ADAM22: variants seen among roughly 807,000 people sequenced by gnomAD.
ADAM22 encodes the protein disintegrin and metalloproteinase domain-containing protein 22.
ADAM22 carries 65 observed loss-of-function variants against 144.6 expected under a neutral mutation model. The observed-to-expected ratio is 0.45, with a 90% CI of 0.37 to 0.55. The LOEUF is 0.55. ADAM22 is among the 20% of genes least tolerant of loss of function. ADAM22 has a pLI of 0.00. For synonymous variants in ADAM22, 391 were observed against 412.6 expected, an observed-to-expected ratio of 0.95 and a Z score of 0.63; for missense variants, 974 against 1,184.9, an observed-to-expected ratio of 0.82 and a Z score of 2.61.
chr7:88,193,904 C>G (rs1475517249), intron 31 of ADAM22, among the ~76,000 whole-genome samples: 2 of 152,164 alleles, frequency 1.3e-5, no homozygotes, highest in African/African-American at 4.8e-5. Flanking sequence ...AACTCAGAGT[C>G]AGTAAGAAGG....
chr7:88,010,632 C>G (rs992475002), intron 3 of ADAM22, among the ~76,000 whole-genome samples: 1 of 152,176 alleles, frequency 6.6e-6, no homozygotes, highest in African/African-American at 2.4e-5. Flanking sequence ...CTTGGAATGA[C>G]TCTGGCCAGC....
chr7:88,017,733 G>A (rs552782997), intron 3 of ADAM22, among the ~76,000 whole-genome samples: 3 of 151,270 alleles, frequency 2.0e-5, no homozygotes, highest in Non-Finnish European at 4.4e-5. Flanking sequence ...TTAATTTCTA[G>A]CTTTTCCTTT....
chr7:88,017,380 C>T (rs201082725), intron 3 of ADAM22, among the ~76,000 whole-genome samples: 1 of 152,144 alleles, frequency 6.6e-6, no homozygotes, highest in South Asian at 2.1e-4. Context: ...CACTGCATCC[C>T]ATAAATATGT....
chr7:87,954,788 C>T (rs953432457), intron 2 of ADAM22, among the ~76,000 whole-genome samples: 9 of 151,946 alleles, frequency 5.9e-5, no homozygotes, highest in Non-Finnish European at 1.0e-4. Flanking sequence ...ACCAATCAGA[C>T]GCAGATTTGG....
intron 3 of ADAM22, among the ~76,000 whole-genome samples, chr7:88,004,899 A>T (rs1793420525): frequency 6.6e-6 from 1 of 152,136 alleles, no homozygotes; most frequent in African/African-American, 2.4e-5. Context: ...CATTTTCTTG[A>T]TGGAGAGGGT....
intron 2 of ADAM22, among the ~76,000 whole-genome samples, chr7:87,957,081 C>T (rs571936790): frequency 3.2e-4 from 48 of 152,322 alleles, no homozygotes; most frequent in African/African-American, 1.1e-3. Flanking sequence ...AACTACCCTA[C>T]AGGATTCCTC....
intron 7 of ADAM22, among the ~76,000 whole-genome samples, 171 bp from the exon 8 acceptor site, chr7:88,125,418 A>G (rs1830175864): frequency 1.3e-5 from 2 of 151,968 alleles, no homozygotes; most frequent in Admixed American, 1.3e-4. Context: ...TTCATCCTTT[A>G]TATGTTTATT....
chr7:87,989,196 T>C (rs1271589264), intron 3 of ADAM22, among the ~76,000 whole-genome samples: 2 of 152,302 alleles, frequency 1.3e-5, no homozygotes, highest in East Asian at 3.9e-4. Context: ...CATTTATGAA[T>C]GGGTTCTTTA....
At chr7:88,005,136 A>AAC (rs201823815) in intron 3 of ADAM22, among the ~76,000 whole-genome samples, 1 of 152,092 alleles carries the variant, frequency 6.6e-6, no homozygotes, top group African/African-American at 2.4e-5. Context: ...CTCCAAACAA[A>AAC]ACACACACAC....
At position 88,201,961 on chromosome 7, in the gene ADAM22, C is replaced by T. The variant is rs1479050659; in HGVS notation, c.*5470C>T. ...TCAGGCTGTGATTTGTGTTGGATGG[C>T]TAAGCTCTAAAATAATGCAAATAGC... is the stretch of plus-strand genomic sequence containing the variant. On this transcript the variant is annotated 3_prime_UTR_variant, in exon 32 of 32. Transcript: ENST00000413139. The T allele has an allele frequency of 6.6e-6, 1 of 152,076 alleles. No homozygotes were observed. Among genetic ancestry groups the T allele is most frequent in the Non-Finnish European group, 1.5e-5 (1 of 68,026 alleles). 9.4% of individuals were successfully genotyped at this position (152,076 alleles called of 1,614,324 possible).
At chr7:88,093,121 T>G (rs1229114310) in intron 4 of ADAM22, among the ~76,000 whole-genome samples, 2 of 152,210 alleles carry the variant, frequency 1.3e-5, no homozygotes, top group African/African-American at 4.8e-5. Flanking sequence ...TATAATAGAA[T>G]TTACTATTTT....
chr7:88,073,680 T>TA (rs1813431442), intron 3 of ADAM22, among the ~76,000 whole-genome samples: 1 of 152,118 alleles, frequency 6.6e-6, no homozygotes, highest in South Asian at 2.1e-4. Flanking sequence ...GCAAGTAGGG[T>TA]AGAGGGGCCA....
intron 3 of ADAM22, among the ~76,000 whole-genome samples, chr7:88,059,732 G>A (rs1002873323): frequency 1.1e-4 from 16 of 152,250 alleles, no homozygotes; most frequent in African/African-American, 3.9e-4. Context: ...TACAGCTGAA[G>A]ACCATTGTCC....
intron 24 of ADAM22, among the ~76,000 whole-genome samples, chr7:88,166,800 A>T (rs1843046065): frequency 6.6e-6 from 1 of 152,122 alleles, no homozygotes; most frequent in South Asian, 2.1e-4. Context: ...AAAGACAATA[A>T]TATTTAGATA....
At position 87,985,327 on chromosome 7, in the gene ADAM22, A is replaced by AATTT. The variant is rs1377955042; in HGVS notation, c.323+6920_323+6923dup. Among the ~76,000 whole-genome samples, 10 of 151,972 alleles carry AATTT rather than the reference A, an allele frequency of 6.6e-5. No homozygotes were observed. In the East Asian group the frequency reaches 1.9e-3, roughly 29 times the overall value. On this transcript the variant is annotated intron_variant, in intron 3 of 31. Transcript: ENST00000413139. ...GACTCCATCTCAAAAAAAAAAAAAG[A>AATTT]ATTTATTTTATATTTCATAAAAGTC...
intron 3 of ADAM22, among the ~76,000 whole-genome samples, chr7:88,022,565 A>G (rs1446416869): frequency 6.6e-6 from 1 of 152,124 alleles, no homozygotes; most frequent in Admixed American, 6.6e-5. Flanking sequence ...AAAGGTGCAT[A>G]CCATTCTGTT....
intron 22 of ADAM22, among the ~76,000 whole-genome samples, chr7:88,161,831 A>G (rs1306776395): frequency 6.6e-6 from 1 of 152,098 alleles, no homozygotes; most frequent in African/African-American, 2.4e-5. Context: ...GGTCGCAGAC[A>G]AAGGGGAACA....
chr7:88,117,523 T>C (rs543208817), intron 7 of ADAM22, among the ~76,000 whole-genome samples: 1 of 152,246 alleles, frequency 6.6e-6, no homozygotes, highest in African/African-American at 2.4e-5. Flanking sequence ...TACTTTGCCC[T>C]CCTTAGTGGA....
At chr7:87,977,469 A>G (rs1172017072) in intron 2 of ADAM22, among the ~76,000 whole-genome samples, 1 of 152,222 alleles carries the variant, frequency 6.6e-6, no homozygotes, top group East Asian at 1.9e-4. Flanking sequence ...TTTAGTGATT[A>G]TACATATTGA....
Sources: gnomAD v4.1 joint callset for allele counts (sites outside exome capture counted in the v4.1 genomes callset) on GRCh38, gnomAD v4.1.1 for gene constraint, MANE v1.5 for transcripts, NCBI Gene and HGNC (gene_info 2026-07-23, HGNC 2026-07-21) for gene names.